The following RMDN2 variants were observed in gnomAD, a reference collection of about 807,000 sequenced individuals.
RMDN2 encodes regulator of microtubule dynamics protein 2.
A neutral mutation model predicts 52.8 loss-of-function variants in RMDN2; 61 were observed. That is an observed-to-expected ratio of 1.16 (90% CI 0.94 to 1.43). The LOEUF (loss-of-function observed/expected upper bound fraction) is 1.43, where lower values mean the gene tolerates loss of function less well. RMDN2 is among the 40% of genes most tolerant of loss of function. The pLI is 0.00. For synonymous variants in RMDN2, 180 were observed against 153.1 expected (o/e 1.18, Z -1.30); for missense variants, 592 against 475.3 (o/e 1.25, Z -2.28).
At chr2:38,010,334 C>T (rs1311894409) in intron 10 of RMDN2, among the ~76,000 whole-genome samples, 1 of 152,218 alleles carries the variant, frequency 6.6e-6, no homozygotes, top group Non-Finnish European at 1.5e-5. Context: ...GCAGGCAGGC[C>T]TCCTTGAGCT....
rs767191002 is a variant in RMDN2, at chr2:37,951,345, C to A, written c.452+21616C>A. On this transcript the variant is annotated intron_variant, in intron 2 of 10. Transcript: ENST00000354545. ...TTCACAACCAAGTATATCTCTTGGT[C>A]ATAAAACATCTTATTCCCCTGTAAC... 1.2e-6 allele frequency: 2 copies of A among 1,613,136 alleles called. No homozygotes were observed. Among genetic ancestry groups the A allele is most frequent in the South Asian group, 2.2e-5 (2 of 91,038 alleles).
chr2:38,008,974 G>A (rs949154366), intron 10 of RMDN2, among the ~76,000 whole-genome samples: 2 of 152,136 alleles, frequency 1.3e-5, no homozygotes, highest in Non-Finnish European at 2.9e-5. Flanking sequence ...AGCTTAGTTT[G>A]GCTGGATATG....
chr2:37,974,496 T>TA, intron 3 of RMDN2, among the ~76,000 whole-genome samples: 1 of 151,674 alleles, frequency 6.6e-6, no homozygotes, highest in Non-Finnish European at 1.5e-5. Context: ...TTTTTTTTTT[T>TA]ACTAATTTAT....
At chr2:37,937,795 A>T (rs1667434210) in intron 2 of RMDN2, among the ~76,000 whole-genome samples, 6 of 152,196 alleles carry the variant, frequency 3.9e-5, no homozygotes, top group Admixed American at 3.3e-4. Context: ...TGGGGCTGAG[A>T]CGATGAGGTT....
chr2:37,960,989 CTTT>C (rs893660254), intron 2 of RMDN2, among the ~76,000 whole-genome samples: 1 of 152,074 alleles, frequency 6.6e-6, no homozygotes, highest in Non-Finnish European at 1.5e-5. Flanking sequence ...GTTGAAAATT[CTTT>C]TTTTATGAAT....
chr2:38,016,618 A>G (rs189453066), intron 10 of RMDN2, among the ~76,000 whole-genome samples: 126 of 152,328 alleles, frequency 8.3e-4, no homozygotes, highest in Non-Finnish European at 1.6e-3. Context: ...AATGTACAGC[A>G]TTTGGAACAG....
At chr2:37,928,318 C>G (rs916934883) in intron 1 of RMDN2, among the ~76,000 whole-genome samples, 4 of 152,132 alleles carry the variant, frequency 2.6e-5, no homozygotes, top group Non-Finnish European at 4.4e-5. Context: ...CATTTGCGAG[C>G]CCAGAAATCC....
intron 10 of RMDN2, among the ~76,000 whole-genome samples, chr2:38,010,624 C>T (rs1398232958): frequency 2.6e-5 from 4 of 152,184 alleles, no homozygotes; most frequent in Non-Finnish European, 5.9e-5. Context: ...CTTTCTTTGA[C>T]TAGGAAAGGG....
chr2:38,047,206 C>T (rs949025249), intron 10 of RMDN2, among the ~76,000 whole-genome samples: 4 of 151,942 alleles, frequency 2.6e-5, no homozygotes, highest in Admixed American at 6.5e-5. Flanking sequence ...TAAAAGGAAA[C>T]GACATCATAT....
chr2:38,035,348 C>T (rs1203898791), intron 10 of RMDN2, among the ~76,000 whole-genome samples: 2 of 152,130 alleles, frequency 1.3e-5, no homozygotes, highest in Non-Finnish European at 1.5e-5. Context: ...ATTAGGAAGA[C>T]AGCATCCTAA....
At chr2:37,955,490 A>G (rs1348591313) in intron 2 of RMDN2, among the ~76,000 whole-genome samples, 1 of 151,974 alleles carries the variant, frequency 6.6e-6, no homozygotes, top group South Asian at 2.1e-4. Flanking sequence ...TGTGGTATTG[A>G]TATGGTTTGG....
intron 10 of RMDN2, among the ~76,000 whole-genome samples, chr2:38,043,143 C>G (rs1681068409): frequency 6.6e-6 from 1 of 152,168 alleles, no homozygotes; most frequent in African/African-American, 2.4e-5. Context: ...GCAATCTTAA[C>G]TGTTTTCGCC....
At chr2:38,060,409 G>A (rs1262611479) in intron 10 of RMDN2, among the ~76,000 whole-genome samples, 1 of 152,114 alleles carries the variant, frequency 6.6e-6, no homozygotes, top group Non-Finnish European at 1.5e-5. Context: ...TTCTTCCACC[G>A]CTTTGTCCAG....
intron 2 of RMDN2, among the ~76,000 whole-genome samples, chr2:37,932,559 T>C (rs1180840334): frequency 6.6e-6 from 1 of 151,642 alleles, no homozygotes; most frequent in Non-Finnish European, 1.5e-5. Flanking sequence ...TCATGGCCCA[T>C]TCTCAATGAG....
intron 2 of RMDN2, among the ~76,000 whole-genome samples, chr2:37,968,669 G>A (rs540300419): frequency 6.6e-6 from 1 of 152,202 alleles, no homozygotes; most frequent in Non-Finnish European, 1.5e-5. Flanking sequence ...TGAAGGGATA[G>A]GAACAATGGC....
intron 2 of RMDN2, among the ~76,000 whole-genome samples, chr2:37,970,599 A>G (rs1461071770): frequency 6.6e-6 from 1 of 152,174 alleles, no homozygotes; most frequent in Non-Finnish European, 1.5e-5. Flanking sequence ...AAGAATTTGA[A>G]TAAGCCTAAT....
At chr2:38,046,688 A>G (rs1681290567) in intron 10 of RMDN2, among the ~76,000 whole-genome samples, 2 of 152,216 alleles carry the variant, frequency 1.3e-5, no homozygotes, top group South Asian at 4.1e-4. Flanking sequence ...TTCTCATTAA[A>G]AAAATAAGAA....
At chr2:37,997,630 T>A (rs1675748356) in intron 8 of RMDN2, 116 bp downstream of exon 8, 6 of 717,912 alleles carry the variant, frequency 8.4e-6, no homozygotes, top group Admixed American at 4.8e-5. Context: ...GAATCCTGGT[T>A]TTGGCATGTT....
chr2:38,042,486 C>G lies in RMDN2; in HGVS notation c.1714-24496C>G, dbSNP rs187859952. On this transcript the variant is annotated intron_variant, in intron 10 of 10. Transcript: ENST00000234195. ...ATCAGGTTTTGGTTTAATTCATTTT[C>G]TCTATTTTTCTAACAGCAGTTTTGG... Among the ~76,000 whole-genome samples, 319 of 151,604 alleles carry G rather than the reference C, an allele frequency of 2.1e-3. 1 individual carries two copies. Among genetic ancestry groups the G allele is most frequent in the African/African-American group, 7.1e-3 (295 of 41,340 alleles).
Sources: gnomAD v4.1 joint callset for allele counts (sites outside exome capture counted in the v4.1 genomes callset) on GRCh38, gnomAD v4.1.1 for gene constraint, MANE v1.5 for transcripts, NCBI Gene and HGNC (gene_info 2026-07-23, HGNC 2026-07-21) for gene names.